Variants in RPS6KB1 observed in about 807,000 individuals in gnomAD.
RPS6KB1 encodes ribosomal protein S6 kinase B1.
In RPS6KB1, 12 loss-of-function variants were observed where a neutral mutation model predicts 70.2. That is an observed-to-expected ratio of 0.17 (90% CI 0.11 to 0.28). The LOEUF is 0.28. RPS6KB1 is among the 10% of genes least tolerant of loss of function. RPS6KB1 has a pLI of 1.00. For missense variants in RPS6KB1, 270 were observed against 646.6 expected (o/e 0.42, Z 6.32); for synonymous variants, 175 against 211.2 (o/e 0.83, Z 1.49).
chr17:59,911,845 C>G (rs773738940), intron 2 of RPS6KB1, among the ~76,000 whole-genome samples: 1 of 152,126 alleles, frequency 6.6e-6, no homozygotes, highest in Admixed American at 6.6e-5. Context: ...ATCCGCCCAC[C>G]TCAGCCTCCC....
chr17:59,903,980 A>G (rs2042113369), intron 1 of RPS6KB1, among the ~76,000 whole-genome samples: 1 of 152,092 alleles, frequency 6.6e-6, no homozygotes. Context: ...GGCCTCAAGC[A>G]GTCTTCCACC....
intron 4 of RPS6KB1, among the ~76,000 whole-genome samples, chr17:59,916,473 A>G (rs894020325): frequency 3.3e-5 from 5 of 151,948 alleles, no homozygotes; most frequent in African/African-American, 9.7e-5. Context: ...TCATCCTCTC[A>G]TTTTGTTTTG....
chr17:59,897,232 T>C (rs1470698273), intron 1 of RPS6KB1, among the ~76,000 whole-genome samples: 1 of 152,244 alleles, frequency 6.6e-6, no homozygotes, highest in Non-Finnish European at 1.5e-5. Context: ...CCTTTGGCCA[T>C]ACTCACTCTG....
chr17:59,932,145 C>G (rs2043957360), intron 7 of RPS6KB1, among the ~76,000 whole-genome samples: 1 of 151,946 alleles, frequency 6.6e-6, no homozygotes, highest in African/African-American at 2.4e-5. Context: ...TGGCTGACAC[C>G]TGTAATCCCA....
intron 12 of RPS6KB1, among the ~76,000 whole-genome samples, chr17:59,940,318 G>A (rs954197563): frequency 8.5e-6 from 1 of 117,496 alleles, no homozygotes. Flanking sequence ...ACAGACTCTC[G>A]CACTGTCATC....
At chr17:59,943,069 C>G (rs1294269803) in intron 13 of RPS6KB1, among the ~76,000 whole-genome samples, 1 of 151,902 alleles carries the variant, frequency 6.6e-6, no homozygotes, top group Non-Finnish European at 1.5e-5. Flanking sequence ...GTAAACAACA[C>G]TGAATAGTAA....
chr17:59,899,862 A>G (rs750026490), intron 1 of RPS6KB1, among the ~76,000 whole-genome samples: 20 of 152,050 alleles, frequency 1.3e-4, no homozygotes, highest in Admixed American at 5.9e-4. Context: ...CATTTATTCT[A>G]TAAGAATACT....
At chr17:59,918,723 T>C (rs553987086) in intron 4 of RPS6KB1, among the ~76,000 whole-genome samples, 13 of 152,270 alleles carry the variant, frequency 8.5e-5, no homozygotes, top group African/African-American at 3.1e-4. Flanking sequence ...TTACGCATGT[T>C]CTTTTTTGAC....
At chr17:59,922,631 G>C (rs775421852) in intron 4 of RPS6KB1, among the ~76,000 whole-genome samples, 10 of 127,332 alleles carry the variant, frequency 7.9e-5, no homozygotes, top group Non-Finnish European at 1.4e-4. Flanking sequence ...TGCAGCTTCT[G>C]CCTCCCGGGT....
chr17:59,905,375 T>C (rs572748948), intron 1 of RPS6KB1, among the ~76,000 whole-genome samples: 16 of 152,276 alleles, frequency 1.1e-4, no homozygotes, highest in Admixed American at 8.5e-4. Context: ...AGTAAATCGA[T>C]TTATTGATTT....
intron 9 of RPS6KB1, 178 bp from the exon 10 acceptor site, chr17:59,935,015 A>G: frequency 1.9e-6 from 1 of 522,512 alleles, no homozygotes; most frequent in Non-Finnish European, 3.5e-6. Context: ...AACATAGTTG[A>G]GACCCTGTCT....
chr17:59,893,198 G>T lies in RPS6KB1; in HGVS notation c.14G>T (p.Arg5Met). The change falls in exon 1 of 15, where the codon AGG becomes ATG. Residue 5 changes from arginine to methionine, a missense_variant. This residue lies in a region of RPS6KB1 where 72 missense variants were observed against 93.4 expected (regional missense o/e 0.77). Transcript: ENST00000225577. This position sits in a 1 kb window ranked among gnomAD's most constrained non-coding sequence, Gnocchi z 4.1. ...GGGTCCGGGCCCATGAGGCGACGAA[G>T]GAGGCGGGACGGCTTTTACCCAGCC... is the stretch of plus-strand genomic sequence containing the variant. MRRRRRRDGFYPAPD... is the reference protein window; with the variant it reads MRRRMRRDGFYPAPD... The T allele has an allele frequency of 6.2e-7, 1 of 1,604,018 alleles. No homozygotes were observed. The highest frequency in any genetic ancestry group is 8.5e-7 in the Non-Finnish European group (1 of 1,176,058).
intron 13 of RPS6KB1, among the ~76,000 whole-genome samples, chr17:59,942,010 C>T (rs1301486581): frequency 2.0e-5 from 3 of 152,154 alleles, no homozygotes; most frequent in Non-Finnish European, 4.4e-5. Context: ...AGGTGCCCGC[C>T]ACCACGCCAG....
At chr17:59,941,043 A>C in intron 13 of RPS6KB1, 100 bp downstream of exon 13, 2 of 628,648 alleles carry the variant, frequency 3.2e-6, no homozygotes, top group Non-Finnish European at 5.4e-6. Flanking sequence ...CATGTAGGTA[A>C]CCTGGCCCAC....
chr17:59,919,975 AT>A (rs1461391704), intron 4 of RPS6KB1, among the ~76,000 whole-genome samples: 4 of 152,014 alleles, frequency 2.6e-5, no homozygotes, highest in South Asian at 2.1e-4. Flanking sequence ...CCATTGCTTT[AT>A]CCCCACTCTG....
At chr17:59,915,832 C>G (rs906116215) in intron 4 of RPS6KB1, among the ~76,000 whole-genome samples, 2 of 130,328 alleles carry the variant, frequency 1.5e-5, no homozygotes, top group Non-Finnish European at 3.1e-5. Flanking sequence ...GTTGCCCAGG[C>G]TGGAGTGCAG....
rs544389928 is a variant in RPS6KB1 at position 59,950,375 on chromosome 17, C to T, written c.*3587C>T. 9 of 152,374 alleles carry T rather than the reference C, an allele frequency of 5.9e-5. No homozygotes were observed. The highest frequency in any genetic ancestry group is 2.1e-4 in the South Asian group (1 of 4,796). The allele number at this position is 152,374 out of a possible 1,614,324, so 9.4% of individuals were successfully genotyped here. On this transcript the variant is annotated 3_prime_UTR_variant, in exon 15 of 15. Transcript: ENST00000225577. ...TTTAGTTGACTGTATTATTTGATTTCGGATTGAATGAATGTAAATAGAAAT... is the reference window on the plus strand; with the variant it reads ...TTTAGTTGACTGTATTATTTGATTTTGGATTGAATGAATGTAAATAGAAAT...
At chr17:59,941,066 T>C (rs1222776915) in intron 13 of RPS6KB1, 123 bp downstream of exon 13, 3 of 593,200 alleles carry the variant, frequency 5.1e-6, no homozygotes, top group Non-Finnish European at 8.9e-6. Flanking sequence ...TTTTTTTTTT[T>C]TTTAAATAAG....
rs1265542446 is a variant in RPS6KB1 at position 59,893,911 on chromosome 17, T to C, written c.141+586T>C. ...GGAGCAAGGGGGCTCTGCTGCATCT[T>C]CCAATCTTCCAGGGTTTGTTTGTTT... On this transcript the variant is annotated intron_variant, in intron 1 of 14. Coordinates refer to ENST00000225577, the MANE Select transcript of RPS6KB1 (RefSeq NM_003161.4). This position sits in a 1 kb window ranked among gnomAD's most constrained non-coding sequence, Gnocchi z 4.1. The C allele has an allele frequency of 4.1e-6, 4 of 983,966 alleles. No homozygotes were observed. The highest frequency in any genetic ancestry group is 4.8e-6 in the Non-Finnish European group (4 of 829,710). The allele number at this position is 983,966 out of a possible 1,614,324, so 61.0% of individuals were successfully genotyped here.
Sources: gnomAD v4.1 joint callset for allele counts (sites outside exome capture counted in the v4.1 genomes callset) on GRCh38, gnomAD v4.1.1 for gene constraint, gnomAD v4.1.1 regional missense constraint, Gnocchi (gnomAD v3.1) non-coding constraint, MANE v1.5 for transcripts, NCBI Gene and HGNC (gene_info 2026-07-23, HGNC 2026-07-21) for gene names.